The following DGKB variants were observed in gnomAD, a reference collection of about 807,000 sequenced individuals.
DGKB encodes the protein 90 kDa diacylglycerol kinase.
Under a neutral mutation model 114.3 loss-of-function variants are expected in DGKB, and 67 were observed. That is an observed-to-expected ratio of 0.59 (90% confidence interval 0.48 to 0.72). DGKB has a LOEUF of 0.72. Ranked by LOEUF, DGKB falls within the 30% of genes least tolerant of loss-of-function variation. The probability of loss-of-function intolerance (pLI) is 0.00; values close to 1 mark genes in which losing one functional copy is unlikely to be tolerated. For missense variants in DGKB, 907 were observed against 975.2 expected, an observed-to-expected ratio of 0.93 and a Z score of 0.93; for synonymous variants, 398 against 323.1, an observed-to-expected ratio of 1.23 and a Z score of -2.49.
chr7:14,243,764 C>T (rs1276676077), intron 23 of DGKB, among the ~76,000 whole-genome samples: 1 of 152,194 alleles, frequency 6.6e-6, no homozygotes, highest in Admixed American at 6.5e-5. Flanking sequence ...TGTAATCTCT[C>T]TTTCCAATTC....
intron 2 of DGKB, among the ~76,000 whole-genome samples, chr7:14,835,272 T>C (rs1248550079): frequency 6.6e-6 from 1 of 152,196 alleles, no homozygotes; most frequent in Non-Finnish European, 1.5e-5. Context: ...TTAAATATTT[T>C]AAAAGTCCAC....
At chr7:14,683,386 C>T (rs561464810) in intron 10 of DGKB, among the ~76,000 whole-genome samples, 10 of 152,238 alleles carry the variant, frequency 6.6e-5, no homozygotes, top group Non-Finnish European at 1.2e-4. Flanking sequence ...ATCATGGCAT[C>T]GTTTGTCCAA....
At chr7:14,928,714 C>CT (rs1265599006) in intron 1 of DGKB, among the ~76,000 whole-genome samples, 1 of 151,634 alleles carries the variant, frequency 6.6e-6, no homozygotes, top group African/African-American at 2.4e-5. Context: ...AAGTGCAATA[C>CT]TTTTTTACAT....
At chr7:14,647,446 A>G (rs1297523301) in intron 13 of DGKB, among the ~76,000 whole-genome samples, 1 of 152,218 alleles carries the variant, frequency 6.6e-6, no homozygotes, top group Non-Finnish European at 1.5e-5. Context: ...TACTCCAAAA[A>G]CAAAAAAATA....
intron 1 of DGKB, among the ~76,000 whole-genome samples, chr7:14,853,544 TA>T (rs1849683869): frequency 6.6e-6 from 1 of 152,004 alleles, no homozygotes; most frequent in African/African-American, 2.4e-5. Context: ...GAAGTGAGTT[TA>T]AAACATTTTT....
intron 2 of DGKB, among the ~76,000 whole-genome samples, chr7:14,794,861 A>G (rs1026085951): frequency 6.6e-6 from 1 of 152,136 alleles, no homozygotes; most frequent in Non-Finnish European, 1.5e-5. Flanking sequence ...CCCAACCTCC[A>G]GCAGAATTGG....
chr7:14,330,458 T>C (rs1213131846), intron 23 of DGKB, among the ~76,000 whole-genome samples: 1 of 151,980 alleles, frequency 6.6e-6, no homozygotes, highest in Non-Finnish European at 1.5e-5. Context: ...TTCATTTATA[T>C]ATTAGAAAAT....
chr7:14,172,241 T>C (rs1388743829), intron 25 of DGKB, among the ~76,000 whole-genome samples: 2 of 152,212 alleles, frequency 1.3e-5, no homozygotes, highest in African/African-American at 2.4e-5. Flanking sequence ...CCACATTTTA[T>C]CAGACAGAGA....
chr7:14,210,363 C>G (rs1279306749), intron 23 of DGKB, among the ~76,000 whole-genome samples: 2 of 152,238 alleles, frequency 1.3e-5, no homozygotes, highest in Non-Finnish European at 2.9e-5. Context: ...CTCTTCAAGA[C>G]TAATTAGAAG....
At chr7:14,917,682 T>C (rs1784307227) in intron 1 of DGKB, among the ~76,000 whole-genome samples, 1 of 151,990 alleles carries the variant, frequency 6.6e-6, no homozygotes. Flanking sequence ...ATTGCTGAAT[T>C]GTAACATTTA....
At chr7:14,625,557 T>G (rs1268646777) in intron 14 of DGKB, among the ~76,000 whole-genome samples, 1 of 152,176 alleles carries the variant, frequency 6.6e-6, no homozygotes, top group Non-Finnish European at 1.5e-5. Flanking sequence ...GGTTGCACAA[T>G]CATTCAGGAT....
chr7:14,770,060 C>T (rs1562490854), intron 2 of DGKB, among the ~76,000 whole-genome samples: 1 of 152,134 alleles, frequency 6.6e-6, no homozygotes, highest in East Asian at 1.9e-4. Flanking sequence ...ACTCAGTAGG[C>T]AAAACTTTAA....
intron 1 of DGKB, among the ~76,000 whole-genome samples, chr7:14,852,498 C>CAAAAAAAAAAAAAA (rs1849542818): frequency 5.9e-5 from 2 of 33,922 alleles, no homozygotes; most frequent in Non-Finnish European, 1.1e-4. Flanking sequence ...AAAAAAAAAA[C>CAAAAAAAAAAAAAA]AGAAATCAAG....
At chr7:14,458,111 T>A (rs1202206429) in intron 21 of DGKB, among the ~76,000 whole-genome samples, 3 of 152,190 alleles carry the variant, frequency 2.0e-5, no homozygotes, top group Non-Finnish European at 2.9e-5. Context: ...TTTCTCTTTC[T>A]GGAATTAGGA....
chr7:14,260,252 C>T (rs539808744), intron 23 of DGKB, among the ~76,000 whole-genome samples: 1 of 152,280 alleles, frequency 6.6e-6, no homozygotes, highest in East Asian at 1.9e-4. Flanking sequence ...AGAATGCACA[C>T]TTGCTGACTT....
intron 1 of DGKB, among the ~76,000 whole-genome samples, chr7:14,845,458 C>T (rs1010291585): frequency 6.6e-6 from 1 of 152,134 alleles, no homozygotes; most frequent in African/African-American, 2.4e-5. Flanking sequence ...AAGGACAAAA[C>T]ACCTAAAAGT....
intron 2 of DGKB, among the ~76,000 whole-genome samples, chr7:14,821,274 T>C (rs999530839): frequency 1.3e-5 from 2 of 152,202 alleles, no homozygotes; most frequent in Non-Finnish European, 2.9e-5. Context: ...GTGCCTATTA[T>C]ATATTAAATG....
chr7:14,743,298 C>T (rs1832822336), intron 4 of DGKB, among the ~76,000 whole-genome samples: 1 of 151,908 alleles, frequency 6.6e-6, no homozygotes, highest in Non-Finnish European at 1.5e-5. Flanking sequence ...AAATAGACTG[C>T]CAAGGAAAAG....
At chr7:14,879,499 T>G (rs954678581) in intron 1 of DGKB, among the ~76,000 whole-genome samples, 5 of 152,208 alleles carry the variant, frequency 3.3e-5, no homozygotes, top group Non-Finnish European at 7.3e-5. Flanking sequence ...AAACTTGCTT[T>G]CTATGTAAAT....
Sources: gnomAD v4.1 joint callset for allele counts (sites outside exome capture counted in the v4.1 genomes callset) on GRCh38, gnomAD v4.1.1 for gene constraint, MANE v1.5 for transcripts, NCBI Gene and HGNC (gene_info 2026-07-23, HGNC 2026-07-21) for gene names.